The following FAM117B variants were observed in gnomAD, a reference collection of about 807,000 sequenced individuals.
The protein encoded by FAM117B is family with sequence similarity 117 member B.
Under a neutral mutation model 52.8 loss-of-function variants are expected in FAM117B, and 22 were observed. That is an observed-to-expected ratio of 0.42 (90% CI 0.30 to 0.59). The LOEUF (loss-of-function observed/expected upper bound fraction) is 0.59, where lower values mean the gene tolerates loss of function less well. FAM117B is among the 20% of genes least tolerant of loss of function. FAM117B has a pLI of 0.22. For missense variants in FAM117B, 678 were observed against 802.6 expected (o/e 0.84, Z 1.88); for synonymous variants, 309 against 324.1 (o/e 0.95, Z 0.50).
At chr2:202,642,344 AATATATAT>A (rs59347439) in intron 1 of FAM117B, among the ~76,000 whole-genome samples, 19 of 142,606 alleles carry the variant, frequency 1.3e-4, no homozygotes, top group African/African-American at 5.0e-4. Context: ...GAATAAATAG[AATATATAT>A]ATATATATAT....
intron 4 of FAM117B, among the ~76,000 whole-genome samples, chr2:202,742,735 A>G (rs1691566917): frequency 6.9e-6 from 1 of 145,894 alleles, no homozygotes; most frequent in Non-Finnish European, 1.5e-5. Flanking sequence ...GAAAAAACAG[A>G]AAATATTCAC....
chr2:202,747,304 A>C (rs1691649244), intron 4 of FAM117B, among the ~76,000 whole-genome samples: 3 of 152,188 alleles, frequency 2.0e-5, no homozygotes, highest in African/African-American at 7.2e-5. Context: ...ATAGGTGACA[A>C]ACCCACAGCT....
chr2:202,661,920 A>T (rs887235800), intron 1 of FAM117B, among the ~76,000 whole-genome samples: 4 of 114,234 alleles, frequency 3.5e-5, no homozygotes, highest in African/African-American at 1.2e-4. Context: ...GATTCCATCT[A>T]AAAAAAAAAA....
At chr2:202,752,486 T>C (rs1691740566) in intron 4 of FAM117B, among the ~76,000 whole-genome samples, 1 of 151,922 alleles carries the variant, frequency 6.6e-6, no homozygotes, top group African/African-American at 2.4e-5. Context: ...TAACACTAAG[T>C]TCTGTATCAG....
intron 1 of FAM117B, among the ~76,000 whole-genome samples, chr2:202,651,423 A>C (rs1198453009): frequency 6.8e-6 from 1 of 148,052 alleles, no homozygotes; most frequent in Admixed American, 6.8e-5. Context: ...CCCAGGTTGG[A>C]GTGCAATGGC....
At chr2:202,665,792 G>A (rs548507251) in intron 1 of FAM117B, among the ~76,000 whole-genome samples, 5 of 152,210 alleles carry the variant, frequency 3.3e-5, no homozygotes, top group African/African-American at 9.6e-5. Flanking sequence ...GTAGAGACAG[G>A]GTTTCACCAT....
In FAM117B at chr2:202,726,303, T is replaced by C. The variant is rs1691244566; in HGVS notation, c.900T>C (p.His300=). 4 of 1,613,740 alleles carry C rather than the reference T, an allele frequency of 2.5e-6. No individual in the cohort carries two copies. Among genetic ancestry groups the C allele is most frequent in the Admixed American group, 1.7e-5 (1 of 59,914 alleles). ...LQRSKHSSRH[H]RDKERQSPFH... Reference sequence around the variant, plus strand: ...GAAGTAAACACAGCAGTCGGCATCATCGAGATAAAGAAAGACAGTCTCCAT... The same window carrying C: ...GAAGTAAACACAGCAGTCGGCATCACCGAGATAAAGAAAGACAGTCTCCAT... The change falls in exon 4 of 8, where the codon CAT becomes CAC. Residue 300 remains histidine, a synonymous_variant. Coordinates refer to ENST00000392238, the MANE Select transcript of FAM117B (RefSeq NM_173511.4).
chr2:202,762,558 C>T (rs757325167), intron 7 of FAM117B, among the ~76,000 whole-genome samples: 9 of 152,120 alleles, frequency 5.9e-5, no homozygotes, highest in Non-Finnish European at 8.8e-5. Context: ...AGAATAACTG[C>T]TTAAGAAAAA....
chr2:202,642,344 A>AAT (rs59347439), intron 1 of FAM117B, among the ~76,000 whole-genome samples: 3,501 of 142,550 alleles, frequency 0.025, 85 homozygotes, highest in African/African-American at 0.06. Context: ...GAATAAATAG[A>AAT]ATATATATAT....
intron 1 of FAM117B, among the ~76,000 whole-genome samples, chr2:202,683,411 T>A (rs1690493102): frequency 6.6e-6 from 1 of 152,090 alleles, no homozygotes; most frequent in Admixed American, 6.6e-5. Flanking sequence ...TTAGAAAGGA[T>A]AAATAAAATT....
At chr2:202,714,373 A>G (rs1346122396) in intron 2 of FAM117B, among the ~76,000 whole-genome samples, 1 of 152,132 alleles carries the variant, frequency 6.6e-6, no homozygotes, top group Non-Finnish European at 1.5e-5. Context: ...GATTTTATGT[A>G]TAAATGAACT....
At chr2:202,754,824 A>T (rs2105798958) in intron 4 of FAM117B, among the ~76,000 whole-genome samples, 1 of 129,310 alleles carries the variant, frequency 7.7e-6, no homozygotes, top group East Asian at 2.6e-4. Flanking sequence ...TGGGAGGTAG[A>T]GGTTGCAGTG....
chr2:202,649,659 C>G (rs1689927266), intron 1 of FAM117B, among the ~76,000 whole-genome samples: 1 of 152,054 alleles, frequency 6.6e-6, no homozygotes, highest in Non-Finnish European at 1.5e-5. Context: ...TCAAGTGATT[C>G]TCCTGTCTCA....
chr2:202,690,558 A>G (rs1375363348), intron 1 of FAM117B, among the ~76,000 whole-genome samples: 1 of 152,200 alleles, frequency 6.6e-6, no homozygotes, highest in Non-Finnish European at 1.5e-5. Flanking sequence ...GATTTTCCAG[A>G]GGAAGTTACA....
chr2:202,700,277 A>G (rs547508941), intron 2 of FAM117B, among the ~76,000 whole-genome samples: 1 of 145,718 alleles, frequency 6.9e-6, no homozygotes, highest in Non-Finnish European at 1.5e-5. Flanking sequence ...TGTACCAAAC[A>G]GCTAGCCAAG....
chr2:202,765,135 C>T (rs1393987014), intron 7 of FAM117B, among the ~76,000 whole-genome samples: 1 of 152,102 alleles, frequency 6.6e-6, no homozygotes, highest in Non-Finnish European at 1.5e-5. Flanking sequence ...ACCGTCTTAG[C>T]TCATCATTGA....
At chr2:202,716,055 A>G (rs972043979) in intron 2 of FAM117B, among the ~76,000 whole-genome samples, 1 of 152,016 alleles carries the variant, frequency 6.6e-6, no homozygotes, top group East Asian at 2.0e-4. Context: ...TTGGCTCGGC[A>G]TCAGAGGGAG....
rs1454274497 is a variant in FAM117B at position 202,751,250 on chromosome 2, A to T, written c.961-4288A>T. Among the ~76,000 whole-genome samples the T allele has an allele frequency of 7.9e-5, 12 of 152,232 alleles. 1 individual carries two copies. Among genetic ancestry groups the T allele is most frequent in the Non-Finnish European group, 1.6e-4 (11 of 68,038 alleles). On this transcript the variant is annotated intron_variant, in intron 4 of 7. Transcript: ENST00000392238. ...TCAGCTGACTACTGCAGGTTACATC[A>T]GAAATTTGAGTTTTTATACCTATGG...
intron 7 of FAM117B, among the ~76,000 whole-genome samples, chr2:202,762,466 T>G (rs1691905476): frequency 6.6e-6 from 1 of 152,188 alleles, no homozygotes; most frequent in African/African-American, 2.4e-5. Context: ...GCTAATGAAG[T>G]CCTTAGATTC....
Sources: gnomAD v4.1 joint callset for allele counts (sites outside exome capture counted in the v4.1 genomes callset) on GRCh38, gnomAD v4.1.1 for gene constraint, MANE v1.5 for transcripts, NCBI Gene and HGNC (gene_info 2026-07-23, HGNC 2026-07-21) for gene names.